The following GNA14 variants were observed in gnomAD, a reference collection of about 807,000 sequenced individuals.
GNA14 encodes guanine nucleotide-binding protein subunit alpha-14.
GNA14 carries 50 observed loss-of-function variants against 42.0 expected under a neutral mutation model. The observed-to-expected ratio is 1.19, with a 90% CI of 0.95 to 1.51. The LOEUF (loss-of-function observed/expected upper bound fraction) is 1.51, where lower values mean the gene tolerates loss of function less well. GNA14 is among the 40% of genes most tolerant of loss of function. GNA14 has a pLI of 0.00. For synonymous variants in GNA14, 173 were observed against 163.1 expected (o/e 1.06, Z -0.46); for missense variants, 473 against 446.2 (o/e 1.06, Z -0.54).
intron 1 of GNA14, among the ~76,000 whole-genome samples, chr9:77,647,158 A>C (rs1348013798): frequency 6.6e-6 from 1 of 152,184 alleles, no homozygotes; most frequent in African/African-American, 2.4e-5. Context: ...CCAGGCCTCC[A>C]TGTTTTAATT....
chr9:77,533,320 G>A lies in GNA14; in HGVS notation c.125-4067C>T, dbSNP rs190641552. 5.3e-5 allele frequency among the ~76,000 whole-genome samples: 8 copies of A among 152,236 alleles called. No homozygotes were observed. In the East Asian group the frequency reaches 7.8e-4, roughly 15 times the overall value. On this transcript the variant is annotated intron_variant, in intron 1 of 6. Coordinates refer to ENST00000341700, the MANE Select transcript of GNA14 (RefSeq NM_004297.4). Reference sequence around the variant, plus strand: ...TCAGCCTCCCCAGTAGCTGGGATTAGAGGCGTGTGCCACCACACCTGGCTA... The same window carrying A: ...TCAGCCTCCCCAGTAGCTGGGATTAAAGGCGTGTGCCACCACACCTGGCTA...
chr9:77,579,214 G>C (rs547710691), intron 1 of GNA14, among the ~76,000 whole-genome samples: 240 of 152,330 alleles, frequency 1.6e-3, no homozygotes, highest in Non-Finnish European at 2.3e-3. Flanking sequence ...TTCACTCTAA[G>C]GCTGGGCACA....
intron 1 of GNA14, among the ~76,000 whole-genome samples, chr9:77,578,319 C>T (rs777346465): frequency 2.0e-5 from 3 of 152,130 alleles, no homozygotes; most frequent in Admixed American, 1.3e-4. Context: ...GTCTTGCTTG[C>T]CTTTTATCTG....
chr9:77,471,260 G>C (rs1836324972), intron 2 of GNA14, among the ~76,000 whole-genome samples: 1 of 152,202 alleles, frequency 6.6e-6, no homozygotes, highest in Non-Finnish European at 1.5e-5. Flanking sequence ...AATTTTAAAA[G>C]TAATGTGGAG....
At chr9:77,449,167 G>A (rs1180905783) in intron 2 of GNA14, among the ~76,000 whole-genome samples, 1 of 152,196 alleles carries the variant, frequency 6.6e-6, no homozygotes, top group African/African-American at 2.4e-5. Context: ...GCACAGGTTT[G>A]TACCTTAGGA....
intron 2 of GNA14, among the ~76,000 whole-genome samples, chr9:77,507,079 A>G (rs1403220087): frequency 6.6e-6 from 1 of 152,240 alleles, no homozygotes; most frequent in Non-Finnish European, 1.5e-5. Flanking sequence ...AAGTAAGTTC[A>G]GAGCCACAAG....
At chr9:77,467,035 G>A (rs914810334) in intron 2 of GNA14, among the ~76,000 whole-genome samples, 1 of 150,932 alleles carries the variant, frequency 6.6e-6, no homozygotes, top group Admixed American at 6.6e-5. Flanking sequence ...GTGTGTGTGT[G>A]TGTCTTGGAG....
intron 2 of GNA14, among the ~76,000 whole-genome samples, chr9:77,503,447 G>T (rs1335687645): frequency 6.6e-6 from 1 of 152,142 alleles, no homozygotes; most frequent in Non-Finnish European, 1.5e-5. Flanking sequence ...CTTCAACTGA[G>T]CTTCCCATAG....
At chr9:77,478,416 C>T (rs1587787116) in intron 2 of GNA14, among the ~76,000 whole-genome samples, 1 of 152,264 alleles carries the variant, frequency 6.6e-6, no homozygotes, top group African/African-American at 2.4e-5. Flanking sequence ...TTTTCTTAAT[C>T]CAGTCTATCG....
At chr9:77,544,377 T>C (rs181106318) in intron 1 of GNA14, among the ~76,000 whole-genome samples, 74 of 152,286 alleles carry the variant, frequency 4.9e-4, no homozygotes, top group Non-Finnish European at 9.6e-4. Context: ...TATTAGTGAT[T>C]CTCTTAGAAG....
intron 1 of GNA14, among the ~76,000 whole-genome samples, chr9:77,639,678 C>T (rs4745649): frequency 0.054 from 8,274 of 152,296 alleles, 549 homozygotes; most frequent in East Asian, 0.24. Flanking sequence ...GTGTCCTTGA[C>T]AGTCTTGTCT....
chr9:77,472,607 A>C (rs1182128660), intron 2 of GNA14, among the ~76,000 whole-genome samples: 1 of 152,234 alleles, frequency 6.6e-6, no homozygotes, highest in Non-Finnish European at 1.5e-5. Flanking sequence ...GTAAGAATCA[A>C]TTGTAGTTTT....
intron 2 of GNA14, among the ~76,000 whole-genome samples, chr9:77,492,337 T>A (rs919898595): frequency 6.6e-6 from 1 of 151,198 alleles, no homozygotes; most frequent in African/African-American, 2.4e-5. Flanking sequence ...TAAAAATAAA[T>A]ACAATTTATT....
intron 5 of GNA14, among the ~76,000 whole-genome samples, chr9:77,427,979 A>G (rs1030811051): frequency 1.3e-5 from 2 of 152,136 alleles, no homozygotes; most frequent in Admixed American, 6.5e-5. Flanking sequence ...TTGGTTGTGC[A>G]GTAGAATCCC....
intron 1 of GNA14, among the ~76,000 whole-genome samples, chr9:77,556,175 C>T (rs1169825479): frequency 1.3e-5 from 2 of 152,026 alleles, no homozygotes; most frequent in African/African-American, 2.4e-5. Context: ...ACTCAGGAGG[C>T]GGAGGTTGCA....
chr9:77,629,011 G>C lies in GNA14; in HGVS notation c.124+18659C>G, dbSNP rs981599620. Among the ~76,000 whole-genome samples, 3 of 151,874 alleles carry C rather than the reference G, an allele frequency of 2.0e-5. No individual in the cohort carries two copies. The East Asian group carries it at 5.8e-4, about 29-fold the overall frequency. ...CCATCTGACAAAGGGTTCATATCCA[G>C]AATCTACAAGGAATTTAAACGAATT... On this transcript the variant is annotated intron_variant, in intron 1 of 6. Transcript: ENST00000341700.
rs543267789 is a variant in GNA14 at position 77,563,295 on chromosome 9, T to C, written c.125-34042A>G. On this transcript the variant is annotated intron_variant, in intron 1 of 6. Transcript: ENST00000341700. Reference sequence around the variant, plus strand: ...GGAGGGAGGTACTGAATCTTTTGCCTTAGGATCTGAATCTGTTTCCATGGT... The same window carrying C: ...GGAGGGAGGTACTGAATCTTTTGCCCTAGGATCTGAATCTGTTTCCATGGT... 3.3e-5 allele frequency among the ~76,000 whole-genome samples: 5 copies of C among 152,216 alleles called. No homozygotes were observed. In the East Asian group the frequency reaches 7.7e-4, roughly 24 times the overall value.
chr9:77,495,538 C>T (rs768524545), intron 2 of GNA14, among the ~76,000 whole-genome samples: 3 of 152,084 alleles, frequency 2.0e-5, no homozygotes, highest in South Asian at 2.1e-4. Flanking sequence ...TGTGTTGCAG[C>T]GCTGAGATGT....
chr9:77,551,451 A>T (rs1440208501), intron 1 of GNA14, among the ~76,000 whole-genome samples: 1 of 152,142 alleles, frequency 6.6e-6, no homozygotes, highest in Non-Finnish European at 1.5e-5. Context: ...CAGCAGGCAC[A>T]AAACTAGTCA....
Sources: allele counts gnomAD v4.1 joint callset (sites outside exome capture counted in the v4.1 genomes callset), GRCh38; gene constraint gnomAD v4.1.1; transcripts MANE v1.5; gene names NCBI Gene and HGNC (gene_info 2026-07-23, HGNC 2026-07-21).